The following ADAMTS13 variants were observed in gnomAD, a reference collection of about 807,000 sequenced individuals.
ADAMTS13 encodes A disintegrin and metalloproteinase with thrombospondin motifs 13.
In ADAMTS13, 110 loss-of-function variants were observed where a neutral mutation model predicts 155.1. The observed-to-expected ratio is 0.71, with a 90% CI of 0.61 to 0.83. The LOEUF (loss-of-function observed/expected upper bound fraction) is 0.83, where lower values mean the gene tolerates loss of function less well. ADAMTS13 is among the 40% of genes least tolerant of loss of function. The probability of loss-of-function intolerance (pLI) is 0.00; values close to 1 mark genes in which losing one functional copy is unlikely to be tolerated. For missense variants in ADAMTS13, 1,707 were observed against 1,891.7 expected (o/e 0.90, Z 1.81); for synonymous variants, 758 against 756.4 (o/e 1.00, Z -0.03).
Position 133,424,678 on chromosome 9 carries a change from C to A in ADAMTS13, c.330+200C>A, listed in dbSNP as rs1032611252. Among the ~76,000 whole-genome samples the A allele has an allele frequency of 1.3e-5, 2 of 152,088 alleles. No homozygotes were observed. The highest frequency in any genetic ancestry group is 4.8e-5 in the African/African-American group (2 of 41,354). On this transcript the variant is annotated intron_variant, in intron 3 of 28. Transcript: ENST00000355699. This position sits in a 1 kb window ranked among gnomAD's most constrained non-coding sequence, Gnocchi z 4.3. Reference sequence around the variant, plus strand: ...CTCTCTAGGCTCCATGGCACATGCACACCCTGCAGCCTCTCACTACTCAAG... The same window carrying A: ...CTCTCTAGGCTCCATGGCACATGCAAACCCTGCAGCCTCTCACTACTCAAG...
rs1840471750 is a variant in ADAMTS13 at position 133,428,769 on chromosome 9, C to A, written c.822C>A (p.Leu274=). Residue 274 remains leucine, a splice_region_variant and synonymous_variant, in exon 7 of 29, where the codon CTC becomes CTA. Transcript: ENST00000355699. ...GCCGCCGGCAGCTGCTGAGCCTGCT[C>A]AGGTAGCGGCCGCCCCGTGGGAGGG... ...PCSRRQLLSL[L]SAGRARCVWD... 1.5e-6 allele frequency: 2 copies of A among 1,336,238 alleles called. No individual in the cohort carries two copies. The highest frequency in any genetic ancestry group is 3.7e-5 in the South Asian group (2 of 53,854). 82.8% of individuals were successfully genotyped at this position (1,336,238 alleles called of 1,614,324 possible).
At chr9:133,432,995 G>A (rs955133495) in intron 9 of ADAMTS13, among the ~76,000 whole-genome samples, 1 of 149,960 alleles carries the variant, frequency 6.7e-6, no homozygotes, top group Admixed American at 6.6e-5. Context: ...GGGGATCCCT[G>A]TGTAAGGGGT....
At chr9:133,437,013 G>A in intron 12 of ADAMTS13, 58 bp downstream of exon 12, 1 of 1,558,966 alleles carries the variant, frequency 6.4e-7, no homozygotes, top group African/African-American at 1.3e-5. Flanking sequence ...CCCTCGGACA[G>A]GGCAGAGTCA....
intron 1 of ADAMTS13, among the ~76,000 whole-genome samples, chr9:133,415,220 T>C (rs1435123988): frequency 2.6e-5 from 4 of 152,190 alleles, no homozygotes; most frequent in Non-Finnish European, 5.9e-5. Flanking sequence ...TGCTGTTTCT[T>C]TGCTTATCTT....
intron 11 of ADAMTS13, among the ~76,000 whole-genome samples, chr9:133,435,306 C>G (rs1182472979): frequency 6.6e-6 from 1 of 151,826 alleles, no homozygotes; most frequent in East Asian, 1.9e-4. Context: ...CCTGCCTCAC[C>G]TTCCGGAGTA....
intron 27 of ADAMTS13, chr9:133,457,084 C>T (rs1412945451): frequency 5.2e-6 from 2 of 385,432 alleles, no homozygotes; most frequent in Admixed American, 3.8e-5. Flanking sequence ...AGCCCTGTTT[C>T]AGTGCACTGG....
chr9:133,426,129 C>T (rs1490565322), intron 5 of ADAMTS13, 67 bp downstream of exon 5: 2 of 1,613,836 alleles, frequency 1.2e-6, no homozygotes, highest in Non-Finnish European at 1.7e-6. Context: ...GCCTCCTGCC[C>T]TCTGCAAAGG....
chr9:133,453,476 C>T (rs1842563499), intron 23 of ADAMTS13, among the ~76,000 whole-genome samples: 1 of 151,624 alleles, frequency 6.6e-6, no homozygotes, highest in Non-Finnish European at 1.5e-5. Context: ...GAGACTCCAT[C>T]TCAAAAACAA....
Position 133,436,929 on chromosome 9 carries a change from G to A in ADAMTS13, c.1409G>A (p.Trp470Ter), listed in dbSNP as rs1554789233. Residue 470 changes from tryptophan (W) to a stop codon, truncating the protein, a stop_gained, in exon 12 of 29, where the codon TGG becomes TAG. Coordinates refer to ENST00000355699, the MANE Select transcript of ADAMTS13 (RefSeq NM_139027.6). LOFTEE classifies it high-confidence loss of function. The part of the protein sequence containing the change: ...SSPGGASFYH[W>*]GAAVPHSQGD... Reference sequence around the variant, plus strand: ...CCTGGCGGCGCCTCCTTCTACCACTGGGGTGCTGCTGTACCACACAGCCAA... The same window carrying A: ...CCTGGCGGCGCCTCCTTCTACCACTAGGGTGCTGCTGTACCACACAGCCAA... 1 of 1,593,532 alleles carries A rather than the reference G, an allele frequency of 6.3e-7. No individual in the cohort carries two copies. The highest frequency in any genetic ancestry group is 1.1e-5 in the South Asian group (1 of 87,648).
In ADAMTS13 at chr9:133,457,645, T is replaced by C. The variant is rs587619320; in HGVS notation, c.3725-265T>C. Among the ~76,000 whole-genome samples, 86 of 152,338 alleles carry C rather than the reference T, an allele frequency of 5.6e-4. 2 individuals carry two copies. Among genetic ancestry groups the C allele is most frequent in the African/African-American group, 1.6e-3 (67 of 41,576 alleles). On this transcript the variant is annotated intron_variant, in intron 27 of 28. Coordinates refer to ENST00000355699, the MANE Select transcript of ADAMTS13 (RefSeq NM_139027.6). ...AAACACTCTTGCACGTGTGACATCA[T>C]TGAGTCCTAAAGACCACTCTGCTCA...
chr9:133,431,676 A>G (rs1840776900), intron 8 of ADAMTS13, among the ~76,000 whole-genome samples: 1 of 150,854 alleles, frequency 6.6e-6, no homozygotes, highest in East Asian at 2.0e-4. Flanking sequence ...TTATTTTGAG[A>G]CGGAGTCTCG....
Position 133,433,514 on chromosome 9 carries a change from A to G in ADAMTS13, c.1229A>G (p.Gln410Arg), listed in dbSNP as rs1392479827. The G allele has an allele frequency of 6.2e-7, 1 of 1,613,502 alleles. No individual in the cohort carries two copies. Among genetic ancestry groups the G allele is most frequent in the African/African-American group, 1.3e-5 (1 of 74,884 alleles). The change falls in exon 10 of 29, where the codon CAG becomes CGG. Residue 410 changes from glutamine to arginine, a missense_variant. Physicochemically the swap from Gln to Arg is conservative, Grantham distance 43. Transcript: ENST00000355699. ...GGAGGTGTGGTCACCAGGAGGCGGCAGTGCAACAACCCCAGGTACCGCAGG... is the reference window on the plus strand; with the variant it reads ...GGAGGTGTGGTCACCAGGAGGCGGCGGTGCAACAACCCCAGGTACCGCAGG... ...CGGGVVTRRR[Q>R]CNNPRPAFGG... is the part of the protein sequence containing the mutation.
upstream of ADAMTS13, chr9:133,418,114 G>A: frequency 6.0e-6 from 3 of 498,702 alleles, no homozygotes; most frequent in East Asian, 3.5e-5. Flanking sequence ...CGGTTCACCC[G>A]CACGGGACTT....
intron 6 of ADAMTS13, 104 bp downstream of exon 6, chr9:133,426,449 C>T (rs1840288135): frequency 4.1e-6 from 6 of 1,477,304 alleles, no homozygotes; most frequent in Non-Finnish European, 5.5e-6. Flanking sequence ...AGAGTTTCTC[C>T]AGAGGAGCCT....
At chr9:133,419,722 C>T (rs975661115), upstream of ADAMTS13, among the ~76,000 whole-genome samples, 1 of 152,090 alleles carries the variant, frequency 6.6e-6, no homozygotes, top group Non-Finnish European at 1.5e-5. Flanking sequence ...TCAGCAAGTC[C>T]ACCGAAAAGG....
intron 23 of ADAMTS13, among the ~76,000 whole-genome samples, chr9:133,450,768 C>G (rs968566498): frequency 5.9e-5 from 9 of 152,026 alleles, no homozygotes; most frequent in Middle Eastern, 3.4e-3. Context: ...AACAACAAAA[C>G]AAAACAAGAC....
Position 133,443,569 on chromosome 9 carries a change from C to T in ADAMTS13, c.2420+8C>T, listed in dbSNP as rs1554791600. Reference sequence around the variant, plus strand: ...CCAGCCCTGCCCTGCCAGGTGAGCCCAGGGCTAGGTGGGGCTGGGAGAGGG... The same window carrying T: ...CCAGCCCTGCCCTGCCAGGTGAGCCTAGGGCTAGGTGGGGCTGGGAGAGGG... On this transcript the variant is annotated splice_region_variant and intron_variant, in intron 19 of 28. Transcript: ENST00000355699. 1.6e-5 allele frequency: 24 copies of T among 1,539,578 alleles called. No individual in the cohort carries two copies. The highest frequency in any genetic ancestry group is 2.1e-5 in the Non-Finnish European group (24 of 1,147,894).
chr9:133,420,065 C>T (rs782506641), upstream of ADAMTS13, among the ~76,000 whole-genome samples: 13 of 152,260 alleles, frequency 8.5e-5, no homozygotes, highest in African/African-American at 1.2e-4. Flanking sequence ...CCACCACGCC[C>T]GGCTAATTTT....
At chr9:133,451,402 C>T (rs1216492182) in intron 23 of ADAMTS13, among the ~76,000 whole-genome samples, 1 of 152,186 alleles carries the variant, frequency 6.6e-6, no homozygotes, top group Non-Finnish European at 1.5e-5. Flanking sequence ...GGAATACAGG[C>T]ACCCACAACC....
Sources: allele counts gnomAD v4.1 joint callset (sites outside exome capture counted in the v4.1 genomes callset), GRCh38; gene constraint gnomAD v4.1.1; non-coding constraint Gnocchi (gnomAD v3.1); transcripts MANE v1.5; gene names NCBI Gene and HGNC (gene_info 2026-07-23, HGNC 2026-07-21).